The following MERTK variants were observed in gnomAD, a reference collection of about 807,000 sequenced individuals.
The protein encoded by MERTK is tyrosine-protein kinase Mer.
MERTK carries 69 observed loss-of-function variants against 99.3 expected under a neutral mutation model. The observed-to-expected ratio is 0.70, with a 90% CI of 0.57 to 0.85. The LOEUF is 0.85. Among genes scored for constraint, MERTK ranks in the 40% least tolerant of loss-of-function variants. MERTK has a pLI of 0.00. For missense variants in MERTK, 1,125 were observed against 1,249.4 expected (o/e 0.90, Z 1.50); for synonymous variants, 426 against 467.6 (o/e 0.91, Z 1.15).
chr2:111,913,042 T>C (rs903528698), intron 1 of MERTK: 5 of 985,262 alleles, frequency 5.1e-6, no homozygotes, highest in Middle Eastern at 5.2e-4. Context: ...GTAAAAGGCC[T>C]GGCGAAAGGT....
At chr2:112,001,179 A>G (rs767882616) in intron 10 of MERTK, 22 bp from the exon 11 acceptor site, 3 of 1,581,052 alleles carry the variant, frequency 1.9e-6, no homozygotes, top group African/African-American at 2.7e-5. Context: ...ATAGTGAAGT[A>G]TCTTTGTTTT....
chr2:111,926,645 T>C (rs1369684053), intron 1 of MERTK, among the ~76,000 whole-genome samples: 1 of 152,174 alleles, frequency 6.6e-6, no homozygotes, highest in Non-Finnish European at 1.5e-5. Flanking sequence ...GAAAATCACT[T>C]GAACCTGGGA....
chr2:112,021,495 C>G lies in MERTK; in HGVS notation c.2263C>G (p.Arg755Gly). The G allele has an allele frequency of 6.2e-7, 1 of 1,613,856 alleles. No homozygotes were observed. The highest frequency in any genetic ancestry group is 1.1e-5 in the South Asian group (1 of 91,076). Residue 755 changes from arginine (R) to glycine (G), a missense_variant, in exon 17 of 19, where the codon CGC (arginine) becomes GGC (glycine). Arg to Gly is a moderately radical substitution (Grantham distance 125). Transcript: ENST00000295408. Reference protein sequence around the residue: ...SKKIYSGDYYRQGRIAKMPVK... With the variant: ...SKKIYSGDYYGQGRIAKMPVK... ...GAAGATTTACAGTGGCGATTATTAC[C>G]GCCAAGGCCGCATTGCTAAGATGCC...
intron 15 of MERTK, among the ~76,000 whole-genome samples, chr2:112,011,205 C>T (rs1185481354): frequency 2.0e-5 from 3 of 152,194 alleles, no homozygotes; most frequent in Non-Finnish European, 2.9e-5. Flanking sequence ...GCTGCTCTTG[C>T]TTGATGGTCT....
At chr2:111,907,903 G>A (rs11123031) in intron 1 of MERTK, among the ~76,000 whole-genome samples, 151,687 of 152,346 alleles carry the variant, frequency 1, 75,521 homozygotes, top group Middle Eastern at 1. Flanking sequence ...AAGCATTTTC[G>A]CAAGGTAGAA....
At chr2:111,925,704 A>AC (rs1483239372) in intron 1 of MERTK, among the ~76,000 whole-genome samples, 1 of 152,090 alleles carries the variant, frequency 6.6e-6, no homozygotes, top group African/African-American at 2.4e-5. Context: ...CTTGCCCCTA[A>AC]CCAAGTTAAC....
chr2:111,939,982 C>G (rs1684832256), intron 2 of MERTK, among the ~76,000 whole-genome samples: 1 of 152,076 alleles, frequency 6.6e-6, no homozygotes, highest in African/African-American at 2.4e-5. Flanking sequence ...CCTTCTGCCT[C>G]TGTCTAATCA....
At chr2:111,934,634 T>C (rs1277687164) in intron 2 of MERTK, among the ~76,000 whole-genome samples, 1 of 152,194 alleles carries the variant, frequency 6.6e-6, no homozygotes, top group Non-Finnish European at 1.5e-5. Context: ...GTCAGATGGA[T>C]AGATTGCAGA....
intron 1 of MERTK, among the ~76,000 whole-genome samples, chr2:111,907,994 C>G (rs1368255448): frequency 6.6e-6 from 1 of 152,202 alleles, no homozygotes; most frequent in Admixed American, 6.5e-5. Flanking sequence ...TCTGTGCCAC[C>G]TCTTTCGTTA....
intron 4 of MERTK, among the ~76,000 whole-genome samples, chr2:111,958,836 G>A (rs542569041): frequency 7.2e-5 from 11 of 152,208 alleles, no homozygotes; most frequent in African/African-American, 2.7e-4. Context: ...TCTATAACTG[G>A]ATAATGGATC....
chr2:111,994,714 G>C (rs1194104217), intron 9 of MERTK: 3 of 394,060 alleles, frequency 7.6e-6, no homozygotes, highest in East Asian at 6.3e-5. Flanking sequence ...AGGAGGCAGA[G>C]ATTGCAGTGA....
chr2:111,939,313 C>T lies in MERTK; in HGVS notation c.483-5647C>T, dbSNP rs184472407. Reference sequence around the variant, plus strand: ...GTTCCACTCCCATTAATTCTTTATCCCATTGTTAATCCATGAATGGATTAA... The same window carrying T: ...GTTCCACTCCCATTAATTCTTTATCTCATTGTTAATCCATGAATGGATTAA... On this transcript the variant is annotated intron_variant, in intron 2 of 18. Transcript: ENST00000295408. 3.0e-3 allele frequency among the ~76,000 whole-genome samples: 454 copies of T among 152,068 alleles called. 13 individuals are homozygous for T. The highest frequency in any genetic ancestry group is 0.02 in the Middle Eastern group (6 of 294).
intron 4 of MERTK, 152 bp from the exon 5 acceptor site, chr2:111,965,039 C>A: frequency 1.4e-6 from 1 of 727,822 alleles, no homozygotes; most frequent in Non-Finnish European, 2.3e-6. Context: ...AGGTTTGTTT[C>A]TCCATAGCTA....
At chr2:111,912,531 G>C (rs1684270200) in intron 1 of MERTK, among the ~76,000 whole-genome samples, 1 of 152,142 alleles carries the variant, frequency 6.6e-6, no homozygotes, top group Non-Finnish European at 1.5e-5. Context: ...ACATGTGTGA[G>C]TCTAGGAGTG....
At chr2:111,994,190 T>G in intron 8 of MERTK, 61 bp from the exon 9 acceptor site, 1 of 1,593,876 alleles carries the variant, frequency 6.3e-7, no homozygotes, top group Non-Finnish European at 8.6e-7. Context: ...GAACTGTAGA[T>G]GCACCTGCAG....
chr2:111,985,576 A>G (rs1676461643), intron 8 of MERTK, among the ~76,000 whole-genome samples: 1 of 152,160 alleles, frequency 6.6e-6, no homozygotes, highest in Non-Finnish European at 1.5e-5. Flanking sequence ...AATTATAAAG[A>G]AAAATAGGTT....
chr2:111,905,678 T>C (rs1348355499), intron 1 of MERTK, among the ~76,000 whole-genome samples: 1 of 152,034 alleles, frequency 6.6e-6, no homozygotes, highest in African/African-American at 2.4e-5. Context: ...AATGTTGGCC[T>C]GGCTGGTCTC....
At chr2:112,001,395 A>G (rs1007139086) in intron 11 of MERTK, 109 bp downstream of exon 11, 8 of 880,514 alleles carry the variant, frequency 9.1e-6, no homozygotes, top group Middle Eastern at 2.2e-4. Flanking sequence ...AGAAGAATGG[A>G]TATTTTTAAT....
At position 112,029,297 on chromosome 2, in the gene MERTK, C is replaced by A; in HGVS notation, c.*433C>A. Reference sequence around the variant, plus strand: ...CTTGATGTATTTGATAAGAATGATTCATTCAATGTTTAAAGTTGTATAACT... The same window carrying A: ...CTTGATGTATTTGATAAGAATGATTAATTCAATGTTTAAAGTTGTATAACT... On this transcript the variant is annotated 3_prime_UTR_variant, in exon 19 of 19. Transcript: ENST00000295408. 1 of 959,760 alleles carries A rather than the reference C, an allele frequency of 1.0e-6. No homozygotes were observed. The highest frequency in any genetic ancestry group is 1.2e-6 in the Non-Finnish European group (1 of 803,386). The allele number at this position is 959,760 out of a possible 1,614,324, so 59.5% of individuals were successfully genotyped here.
Sources: gnomAD v4.1 joint callset for allele counts (sites outside exome capture counted in the v4.1 genomes callset) on GRCh38, gnomAD v4.1.1 for gene constraint, MANE v1.5 for transcripts, NCBI Gene and HGNC (gene_info 2026-07-23, HGNC 2026-07-21) for gene names.